Variants in ITSN1 observed in about 807,000 individuals in gnomAD.
ITSN1 encodes intersectin 1.
Under a neutral mutation model 239.8 loss-of-function variants are expected in ITSN1, and 58 were observed. The ratio of observed to expected loss-of-function variants is 0.24; its 90% CI spans 0.20 to 0.30. The LOEUF is 0.30. Ranked by LOEUF, ITSN1 falls within the 10% of genes least tolerant of loss-of-function variation. The pLI is 1.00. For synonymous variants in ITSN1, 780 were observed against 770.8 expected (o/e 1.01, Z -0.20); for missense variants, 1,558 against 2,103.3 (o/e 0.74, Z 5.07).
chr21:33,885,596 G>T, intron 38 of ITSN1, 74 bp downstream of exon 38: 9 of 1,100,214 alleles, frequency 8.2e-6, no homozygotes, highest in Non-Finnish European at 1.3e-5. Flanking sequence ...ACCCCCACCT[G>T]GCTCTAGATC....
At chr21:33,792,465 G>A (rs1055315428) in intron 16 of ITSN1, among the ~76,000 whole-genome samples, 5 of 152,054 alleles carry the variant, frequency 3.3e-5, no homozygotes, top group African/African-American at 1.2e-4. Flanking sequence ...TATTTTTTCT[G>A]AACCTATTTA....
chr21:33,851,956 T>A (rs912607279), intron 29 of ITSN1, among the ~76,000 whole-genome samples: 7 of 151,778 alleles, frequency 4.6e-5, no homozygotes, highest in African/African-American at 1.7e-4. Flanking sequence ...GATAATTTTT[T>A]AAATTTTTTG....
chr21:33,776,680 T>C (rs952831879), intron 14 of ITSN1, among the ~76,000 whole-genome samples: 2 of 152,214 alleles, frequency 1.3e-5, no homozygotes, highest in Non-Finnish European at 2.9e-5. Context: ...GGGAATCATC[T>C]TACATGTTTA....
At chr21:33,706,508 C>A (rs1473800) in intron 1 of ITSN1, among the ~76,000 whole-genome samples, 152,014 of 152,014 alleles carry the variant, frequency 1, 76,007 homozygotes, top group Non-Finnish European at 1. Context: ...GATATATTGA[C>A]CTTAAAATGA....
At chr21:33,887,859 C>T (rs944993246) in intron 39 of ITSN1, among the ~76,000 whole-genome samples, 4 of 152,108 alleles carry the variant, frequency 2.6e-5, no homozygotes, top group Non-Finnish European at 4.4e-5. Flanking sequence ...CCTCCTGCCT[C>T]GGCCTCCCAA....
intron 7 of ITSN1, among the ~76,000 whole-genome samples, chr21:33,753,262 G>A (rs1227764753): frequency 6.6e-6 from 1 of 152,130 alleles, no homozygotes; most frequent in East Asian, 1.9e-4. Flanking sequence ...CCCTTAAGAT[G>A]CCTCAATATG....
At chr21:33,837,527 C>T in intron 29 of ITSN1, 2 of 985,814 alleles carry the variant, frequency 2.0e-6, no homozygotes, top group Non-Finnish European at 2.4e-6. Flanking sequence ...TGGGGCTTTT[C>T]CCCCTTACCA....
At position 33,806,522 on chromosome 21, in the gene ITSN1, C is replaced by T. The variant is rs188841513; in HGVS notation, c.2319+4078C>T. Among the ~76,000 whole-genome samples the T allele has an allele frequency of 1.4e-3, 220 of 152,366 alleles. 1 individual carries two copies. Among genetic ancestry groups the T allele is most frequent in the African/African-American group, 5.2e-3 (216 of 41,584 alleles). On this transcript the variant is annotated intron_variant, in intron 20 of 39. Transcript: ENST00000381318. ...ATTGAGAAAAGAGGTGTAATATCATCGGCCTTTGCCAAACGGACTTGAAGC... is the reference window on the plus strand; with the variant it reads ...ATTGAGAAAAGAGGTGTAATATCATTGGCCTTTGCCAAACGGACTTGAAGC...
At chr21:33,878,217 G>A (rs1029935729) in intron 34 of ITSN1, among the ~76,000 whole-genome samples, 1 of 151,852 alleles carries the variant, frequency 6.6e-6, no homozygotes, top group Non-Finnish European at 1.5e-5. Flanking sequence ...TTTTTTTGTA[G>A]AGACAAGGAC....
chr21:33,711,171 T>G (rs1456903811), intron 1 of ITSN1, among the ~76,000 whole-genome samples: 2 of 152,146 alleles, frequency 1.3e-5, no homozygotes, highest in African/African-American at 4.8e-5. Context: ...TCCAAGAAAT[T>G]TGTTTCTTTT....
chr21:33,829,576 C>G, intron 26 of ITSN1, 48 bp from the exon 27 acceptor site: 1 of 1,601,830 alleles, frequency 6.2e-7, no homozygotes, highest in East Asian at 2.2e-5. Context: ...GGCCTTTTCT[C>G]CTGCTGACTC....
At chr21:33,752,142 A>ATT (rs543236311) in intron 7 of ITSN1, among the ~76,000 whole-genome samples, 2 of 144,320 alleles carry the variant, frequency 1.4e-5, no homozygotes, top group African/African-American at 5.1e-5. Flanking sequence ...GGCTTTGTGT[A>ATT]TTTTTTTTTT....
At chr21:33,646,863 A>G (rs549735322) in intron 1 of ITSN1, among the ~76,000 whole-genome samples, 5 of 152,242 alleles carry the variant, frequency 3.3e-5, no homozygotes, top group South Asian at 2.1e-4. Flanking sequence ...GTGTGCGTCT[A>G]TAGTCCCAGC....
At chr21:33,887,597 T>G (rs976977284) in intron 39 of ITSN1, among the ~76,000 whole-genome samples, 2 of 127,038 alleles carry the variant, frequency 1.6e-5, no homozygotes, top group Admixed American at 1.6e-4. Flanking sequence ...TTTTTTCTTT[T>G]TATTTTTTTT....
At chr21:33,705,079 C>T (rs1424591765) in intron 1 of ITSN1, among the ~76,000 whole-genome samples, 1 of 147,336 alleles carries the variant, frequency 6.8e-6, no homozygotes, top group Admixed American at 6.8e-5. Context: ...CCACTGCACT[C>T]CAGCCTGGGC....
At chr21:33,807,391 G>T (rs1267810072) in intron 20 of ITSN1, among the ~76,000 whole-genome samples, 4 of 152,220 alleles carry the variant, frequency 2.6e-5, no homozygotes. Flanking sequence ...CAGGCTGAGT[G>T]CAGTGGTGTG....
intron 7 of ITSN1, among the ~76,000 whole-genome samples, chr21:33,752,380 C>T (rs191963657): frequency 7.9e-5 from 12 of 151,962 alleles, no homozygotes; most frequent in East Asian, 1.9e-4. Flanking sequence ...CTATTAAAGA[C>T]GATTTATTAT....
At chr21:33,863,474 G>A (rs1240031865) in intron 31 of ITSN1, among the ~76,000 whole-genome samples, 2 of 152,166 alleles carry the variant, frequency 1.3e-5, no homozygotes, top group Non-Finnish European at 2.9e-5. Context: ...TGGCCAACAT[G>A]GCGAAACCCC....
chr21:33,779,735 T>A (rs1355264672), intron 14 of ITSN1, among the ~76,000 whole-genome samples: 1 of 152,256 alleles, frequency 6.6e-6, no homozygotes, highest in Non-Finnish European at 1.5e-5. Flanking sequence ...CCTTATACAT[T>A]TGAAATTTGA....
Sources: gnomAD v4.1 joint callset for allele counts (sites outside exome capture counted in the v4.1 genomes callset) on GRCh38, gnomAD v4.1.1 for gene constraint, MANE v1.5 for transcripts, NCBI Gene and HGNC (gene_info 2026-07-23, HGNC 2026-07-21) for gene names.